Variants in DBX2 observed in about 807,000 individuals in gnomAD.
DBX2 encodes homeobox protein DBX2.
A neutral mutation model predicts 17.7 loss-of-function variants in DBX2; 16 were observed. That is an observed-to-expected ratio of 0.90 (90% confidence interval 0.61 to 1.37). DBX2 has a LOEUF of 1.37. Among genes scored for constraint, DBX2 ranks in the 40% most tolerant of loss-of-function variants. The pLI is 0.00. For synonymous variants in DBX2, 255 were observed against 183.8 expected, an observed-to-expected ratio of 1.39 and a Z score of -3.13; for missense variants, 538 against 433.8, an observed-to-expected ratio of 1.24 and a Z score of -2.13.
Position 45,021,590 on chromosome 12 carries a change from T to C in DBX2, c.687+2117A>G, listed in dbSNP as rs1424785197. Among the ~76,000 whole-genome samples, 3 of 152,288 alleles carry C rather than the reference T, an allele frequency of 2.0e-5. No homozygotes were observed. The East Asian group carries it at 5.8e-4, about 29-fold the overall frequency. On this transcript the variant is annotated intron_variant, in intron 3 of 3. Transcript: ENST00000332700. ...CTCTCCAAACTCCTAAACCTGCCTG[T>C]TTTCTCCCTTCTGACTACAGGAGCT...
intron 2 of DBX2, among the ~76,000 whole-genome samples, chr12:45,024,689 T>A (rs573381513): frequency 6.6e-6 from 1 of 152,236 alleles, no homozygotes; most frequent in African/African-American, 2.4e-5. Context: ...GTTTAATTGC[T>A]CTCATTACCT....
intron 2 of DBX2, among the ~76,000 whole-genome samples, chr12:45,029,916 A>AATAAATAAATAAAAG (rs1565582731): frequency 1.9e-4 from 29 of 151,352 alleles, no homozygotes; most frequent in African/African-American, 6.8e-4. Flanking sequence ...ATAAATAAAA[A>AATAAATAAATAAAAG]TAAAGAATGA....
At chr12:45,019,934 T>C (rs1245498669) in intron 3 of DBX2, among the ~76,000 whole-genome samples, 1 of 152,140 alleles carries the variant, frequency 6.6e-6, no homozygotes, top group Non-Finnish European at 1.5e-5. Flanking sequence ...GAGCTTTTAC[T>C]ACACACAACA....
intron 2 of DBX2, among the ~76,000 whole-genome samples, chr12:45,031,700 C>T (rs560079430): frequency 6.6e-6 from 1 of 152,242 alleles, no homozygotes; most frequent in African/African-American, 2.4e-5. Context: ...CAGAACTGAA[C>T]GGGTGCAGGC....
intron 1 of DBX2, among the ~76,000 whole-genome samples, chr12:45,046,485 G>C (rs1175349746): frequency 6.6e-6 from 1 of 152,102 alleles, no homozygotes; most frequent in African/African-American, 2.4e-5. Flanking sequence ...TTGTCAAAAT[G>C]AATCTAAACC....
chr12:45,041,238 A>G (rs1230506613), intron 1 of DBX2, among the ~76,000 whole-genome samples: 1 of 150,500 alleles, frequency 6.6e-6, no homozygotes, highest in Non-Finnish European at 1.5e-5. Flanking sequence ...ATAATAAAGA[A>G]TGACAGGGAA....
chr12:45,049,297 CT>C (rs1946516344), intron 1 of DBX2, among the ~76,000 whole-genome samples: 3 of 152,190 alleles, frequency 2.0e-5, no homozygotes, highest in African/African-American at 7.2e-5. Context: ...CCAAGTGAAT[CT>C]GCTTTATGCC....
intron 2 of DBX2, among the ~76,000 whole-genome samples, chr12:45,032,416 C>T (rs1946415305): frequency 6.6e-6 from 1 of 152,144 alleles, no homozygotes; most frequent in South Asian, 2.1e-4. Flanking sequence ...TGTCCTCAGT[C>T]CACTGGCCAC....
chr12:45,014,842 T>A lies in DBX2; in HGVS notation c.*1444A>T, dbSNP rs1946314537. ...ATTCTATTCGTACAAAATAATTTCC[T>A]GCTGTTGATTAAAACCGTTATCTCC... On this transcript the variant is annotated 3_prime_UTR_variant, in exon 4 of 4. Coordinates refer to ENST00000332700, the MANE Select transcript of DBX2 (RefSeq NM_001004329.3). 1 of 152,308 alleles carries A rather than the reference T, an allele frequency of 6.6e-6. No individual in the cohort carries two copies. Among genetic ancestry groups the A allele is most frequent in the Non-Finnish European group, 1.5e-5 (1 of 68,018 alleles). The allele number at this position is 152,308 out of a possible 1,614,324, so 9.4% of individuals were successfully genotyped here.
At chr12:45,019,580 C>T (rs1946340846) in intron 3 of DBX2, among the ~76,000 whole-genome samples, 1 of 152,024 alleles carries the variant, frequency 6.6e-6, no homozygotes, top group South Asian at 2.1e-4. Context: ...TTTAAATGTA[C>T]ACACACTTTT....
chr12:45,019,106 T>C (rs1946338010), intron 3 of DBX2, among the ~76,000 whole-genome samples: 1 of 152,044 alleles, frequency 6.6e-6, no homozygotes, highest in African/African-American at 2.4e-5. Flanking sequence ...TTAATGTCAC[T>C]GAACTGAACA....
At chr12:45,049,153 T>C (rs970761716) in intron 1 of DBX2, among the ~76,000 whole-genome samples, 1 of 152,218 alleles carries the variant, frequency 6.6e-6, no homozygotes, top group Non-Finnish European at 1.5e-5. Flanking sequence ...CGGAGACAAT[T>C]ATGATTAGAA....
At chr12:45,034,914 C>T (rs1019227824) in intron 2 of DBX2, among the ~76,000 whole-genome samples, 4 of 152,170 alleles carry the variant, frequency 2.6e-5, no homozygotes, top group Non-Finnish European at 4.4e-5. Context: ...AGTGAAAAAT[C>T]GTGGTGAGGT....
chr12:45,021,656 C>G (rs1163416377), intron 3 of DBX2, among the ~76,000 whole-genome samples: 3 of 152,124 alleles, frequency 2.0e-5, no homozygotes, highest in Non-Finnish European at 4.4e-5. Flanking sequence ...ACTGAGCTGC[C>G]CTCATGTCCT....
At chr12:45,032,278 A>G (rs958724229) in intron 2 of DBX2, among the ~76,000 whole-genome samples, 2 of 152,202 alleles carry the variant, frequency 1.3e-5, no homozygotes, top group East Asian at 1.9e-4. Context: ...GTTTTAGACA[A>G]TATAATTAGC....
intron 3 of DBX2, among the ~76,000 whole-genome samples, chr12:45,023,294 AAAAG>A (rs1430263624): frequency 2.6e-5 from 4 of 152,220 alleles, no homozygotes; most frequent in African/African-American, 9.7e-5. Context: ...ATTGGAAGTG[AAAAG>A]AAAGATAGTA....
At chr12:45,017,009 C>T (rs1946327767) in intron 3 of DBX2, among the ~76,000 whole-genome samples, 1 of 151,998 alleles carries the variant, frequency 6.6e-6, no homozygotes, top group African/African-American at 2.4e-5. Flanking sequence ...TGGTCTTGAA[C>T]TCCTGAGCTC....
intron 1 of DBX2, among the ~76,000 whole-genome samples, chr12:45,037,964 G>T (rs1167417445): frequency 6.6e-6 from 1 of 151,814 alleles, no homozygotes; most frequent in Non-Finnish European, 1.5e-5. Context: ...AACCAATTCT[G>T]ATGTTCAAAA....
chr12:45,035,912 T>C, intron 2 of DBX2, 107 bp downstream of exon 2: 4 of 1,030,654 alleles, frequency 3.9e-6, no homozygotes, highest in Non-Finnish European at 4.2e-6. Flanking sequence ...AGTGAGGAAT[T>C]AGCTCCTTGC....
Sources: allele counts gnomAD v4.1 joint callset (sites outside exome capture counted in the v4.1 genomes callset), GRCh38; gene constraint gnomAD v4.1.1; transcripts MANE v1.5; gene names NCBI Gene and HGNC (gene_info 2026-07-23, HGNC 2026-07-21).